GAREM2: variants seen among roughly 807,000 people sequenced by gnomAD.
GAREM2 encodes GRB2-associated and regulator of MAPK protein 2.
GAREM2 carries 30 observed loss-of-function variants against 55.6 expected under a neutral mutation model. The ratio of observed to expected loss-of-function variants is 0.54; its 90% CI spans 0.40 to 0.73. The LOEUF is 0.73. GAREM2 is among the 30% of genes least tolerant of loss of function. GAREM2 has a pLI of 0.00. For synonymous variants in GAREM2, 550 were observed against 569.1 expected, an observed-to-expected ratio of 0.97 and a Z score of 0.48; for missense variants, 1,075 against 1,257.7, an observed-to-expected ratio of 0.85 and a Z score of 2.20.
At chr2:26,198,943 A>G in the GAREM2 span, among the ~76,000 whole-genome samples, 2 of 150,856 alleles carry the variant, frequency 1.3e-5, no homozygotes, top group Non-Finnish European at 3.0e-5. Context: ...CGCCCAGGCT[A>G]GAGTGCAGTG....
chr2:26,190,899 T>C (rs185428283), downstream of GAREM2: 12 of 392,492 alleles, frequency 3.1e-5, no homozygotes, highest in South Asian at 2.8e-4. Context: ...TTTATTGTTA[T>C]GTGTTTGGCT....
Position 26,187,766 on chromosome 2 carries a change from C to A in GAREM2, c.2134C>A (p.Pro712Thr). ...DPFELGQGSS[P>T]EPELLRSQEP... ...CTTTGAGCTGGGGCAGGGCAGTTCT[C>A]CAGAGCCTGAGCTGCTGCGTTCTCA... The change falls in exon 6 of 6, where the codon CCA becomes ACA. Residue 712 changes from proline to threonine, a missense_variant. Transcript: ENST00000401533. 1 of 1,448,040 alleles carries A rather than the reference C, an allele frequency of 6.9e-7. No individual in the cohort carries two copies. Among genetic ancestry groups the A allele is most frequent in the Non-Finnish European group, 9.1e-7 (1 of 1,095,414 alleles). 89.7% of individuals were successfully genotyped at this position (1,448,040 alleles called of 1,614,324 possible). A position where few individuals can be genotyped will look rare whatever the true frequency, so the allele number is the denominator to read the frequency against.
In GAREM2 at chr2:26,176,376, A is replaced by C. The variant is rs1420985856; in HGVS notation, c.145A>C (p.Ile49Leu). 6.5e-7 allele frequency: 1 copy of C among 1,549,144 alleles called. No homozygotes were observed. The highest frequency in any genetic ancestry group is 1.2e-5 in the South Asian group (1 of 83,586). ...EYAEGVSERD[I>L]LLIHSCRQWT... ...CGCCGAGGGCGTCAGTGAGCGAGAC[A>C]TCCTGCTCATCCACTCCTGCCGGCA... The change falls in exon 2 of 6, where the codon ATC (isoleucine) becomes CTC (leucine). Residue 49 changes from isoleucine to leucine, a missense_variant. This residue lies in a region of GAREM2 where 230 missense variants were observed against 310.6 expected (regional missense o/e 0.74). Transcript: ENST00000401533.
In GAREM2 at chr2:26,187,872, G is replaced by T. The variant is rs941753197; in HGVS notation, c.2240G>T (p.Gly747Val). 8 of 1,438,388 alleles carry T rather than the reference G, an allele frequency of 5.6e-6. No homozygotes were observed. The African/African-American group carries it at 8.7e-5, about 16-fold the overall frequency. The allele number at this position is 1,438,388 out of a possible 1,614,324, so 89.1% of individuals were successfully genotyped here. A position where few individuals can be genotyped will look rare whatever the true frequency, so the allele number is the denominator to read the frequency against. ...LGPSKAFEPE[G>V]LVLHQVPTPL... Reference sequence around the variant, plus strand: ...CCCTCCAAGGCCTTTGAGCCTGAAGGTTTGGTGCTGCACCAGGTCCCCACC... The same window carrying T: ...CCCTCCAAGGCCTTTGAGCCTGAAGTTTTGGTGCTGCACCAGGTCCCCACC... Residue 747 changes from glycine to valine, a missense_variant, in exon 6 of 6, where the codon GGT becomes GTT. Physicochemically the swap from Gly to Val is moderately radical, Grantham distance 109. This residue lies in a region of GAREM2 where 142 missense variants were observed against 172.3 expected (regional missense o/e 0.82). Coordinates refer to ENST00000401533, the MANE Select transcript of GAREM2 (RefSeq NM_001168241.2).
At chr2:26,193,293 C>CTTTTT (rs370942158), downstream of GAREM2, among the ~76,000 whole-genome samples, 36 of 115,154 alleles carry the variant, frequency 3.1e-4, no homozygotes, top group South Asian at 1.8e-3. Context: ...CACATGACAT[C>CTTTTT]TTTTTTTTTT....
At chr2:26,191,353 A>G (rs1027792462), downstream of GAREM2, 1 of 1,614,190 alleles carries the variant, frequency 6.2e-7, no homozygotes, top group African/African-American at 1.3e-5. Flanking sequence ...GAGCCGGTCC[A>G]CTATCTTCTG....
In GAREM2 at chr2:26,185,051, C is replaced by T. The variant is rs1234722551; in HGVS notation, c.1203C>T (p.Pro401=). ...ARAPGPLAPA[P]AGEGDQEYVS... is the part of the protein sequence containing the mutation. ...CCCCCGGCCCGCTAGCGCCGGCTCC[C>T]GCCGGCGAGGGCGACCAGGAGTACG... Residue 401 remains proline (P), a synonymous_variant, in exon 4 of 6, where the codon CCC becomes CCT. Transcript: ENST00000401533. The T allele has an allele frequency of 2.7e-5, 33 of 1,226,898 alleles. No homozygotes were observed. Among genetic ancestry groups the T allele is most frequent in the South Asian group, 3.3e-5 (1 of 30,448 alleles). 76.0% of individuals were successfully genotyped at this position (1,226,898 alleles called of 1,614,324 possible).
the GAREM2 span, among the ~76,000 whole-genome samples, chr2:26,202,750 A>G: frequency 6.6e-6 from 1 of 152,226 alleles, no homozygotes; most frequent in African/African-American, 2.4e-5. Flanking sequence ...AAAGAAACAA[A>G]AACATCAAAT....
chr2:26,197,495 G>T, the GAREM2 span, among the ~76,000 whole-genome samples: 19 of 152,126 alleles, frequency 1.2e-4, no homozygotes, highest in African/African-American at 4.6e-4. Context: ...TCCTTGAAAA[G>T]GATATTTTTT....
rs757433229 is a variant in GAREM2 at position 26,173,280 on chromosome 2, C to T, written c.60C>T (p.Leu20=). 9.8e-6 allele frequency: 14 copies of T among 1,434,154 alleles called. No individual in the cohort carries two copies. In the East Asian group the frequency reaches 1.8e-4, roughly 19 times the overall value. The allele number at this position is 1,434,154 out of a possible 1,614,324, so 88.8% of individuals were successfully genotyped here. Residue 20 remains leucine (L), a synonymous_variant, in exon 1 of 6, where the codon CTC becomes CTT. Transcript: ENST00000401533. ...GCTGGAGCATGGGCGCCTTCCCGCT[C>T]GACCTCATCGTCAGCCGCTGCCGCC... ...GLRWSMGAFP[L]DLIVSRCRLP...
downstream of GAREM2, chr2:26,191,728 C>T: frequency 8.3e-7 from 1 of 1,208,984 alleles, no homozygotes; most frequent in Non-Finnish European, 1.2e-6. Flanking sequence ...GCATGGGGAG[C>T]TCTGTGGGCC....
downstream of GAREM2, chr2:26,191,662 G>C (rs1206830666): frequency 6.2e-7 from 1 of 1,611,678 alleles, no homozygotes; most frequent in Non-Finnish European, 8.5e-7. Flanking sequence ...GGTAGAAGAA[G>C]AGGAAAAGGG....
chr2:26,173,740 CTG>C (rs1668774117), intron 1 of GAREM2, among the ~76,000 whole-genome samples: 1 of 152,088 alleles, frequency 6.6e-6, no homozygotes, highest in Non-Finnish European at 1.5e-5. Context: ...GACCCGGACT[CTG>C]TCTTCCCCTT....
At chr2:26,178,497 G>T (rs1171252329) in intron 2 of GAREM2, among the ~76,000 whole-genome samples, 2 of 152,146 alleles carry the variant, frequency 1.3e-5, no homozygotes, top group Non-Finnish European at 2.9e-5. Flanking sequence ...GCCAGGTGGG[G>T]GGGATCCCTT....
In GAREM2 at chr2:26,187,242, G is replaced by A. The variant is rs1179732472; in HGVS notation, c.1610G>A (p.Arg537His). ...SSGLQDGAGS[R>H]SGSGSPSPDT... is the part of the protein sequence containing the mutation. Reference sequence around the variant, plus strand: ...GTCTCTGTCCACAGGGCGGGTTCCCGCAGTGGCAGTGGCTCCCCATCGCCG... The same window carrying A: ...GTCTCTGTCCACAGGGCGGGTTCCCACAGTGGCAGTGGCTCCCCATCGCCG... The change falls in exon 6 of 6, where the codon CGC becomes CAC. Residue 537 changes from arginine (R) to histidine (H), a missense_variant. By Grantham distance (29) the Arg-to-His change is conservative (BLOSUM62 0). This residue lies in a region of GAREM2 where 515 missense variants were observed against 501.5 expected (regional missense o/e 1.03). Transcript: ENST00000401533. 1.4e-6 allele frequency: 2 copies of A among 1,449,374 alleles called. No individual in the cohort carries two copies. Among genetic ancestry groups the A allele is most frequent in the Admixed American group, 2.8e-5 (1 of 36,016 alleles). 89.8% of individuals were successfully genotyped at this position (1,449,374 alleles called of 1,614,324 possible).
Position 26,179,877 on chromosome 2 carries a change from G to A in GAREM2, c.254-3090G>A, listed in dbSNP as rs964342048. Among the ~76,000 whole-genome samples the A allele has an allele frequency of 5.3e-5, 8 of 152,074 alleles. No homozygotes were observed. The highest frequency in any genetic ancestry group is 8.8e-5 in the Non-Finnish European group (6 of 67,982). On this transcript the variant is annotated intron_variant, in intron 2 of 5. Coordinates refer to ENST00000401533, the MANE Select transcript of GAREM2 (RefSeq NM_001168241.2). This position sits in a 1 kb window ranked among gnomAD's most constrained non-coding sequence, Gnocchi z 4.7. ...TTGGCTCCAAGTCGCCCCACAGGGG[G>A]CAGTGGGCATTGCTCCCTGCCTGGC...
chr2:26,202,749 A>C, the GAREM2 span, among the ~76,000 whole-genome samples: 1 of 152,228 alleles, frequency 6.6e-6, no homozygotes, highest in Admixed American at 6.5e-5. Context: ...AAAAGAAACA[A>C]AAACATCAAA....
At chr2:26,181,942 G>A in intron 2 of GAREM2, 1 of 928,756 alleles carries the variant, frequency 1.1e-6, no homozygotes, top group Non-Finnish European at 1.3e-6. Flanking sequence ...TCATGCCACT[G>A]TACTCCAGCC....
In GAREM2 at chr2:26,185,030, C is replaced by T; in HGVS notation, c.1182C>T (p.Pro394=). Residue 394 remains proline (P), a synonymous_variant, in exon 4 of 6, where the codon CCC becomes CCT. Coordinates refer to ENST00000401533, the MANE Select transcript of GAREM2 (RefSeq NM_001168241.2). ...APRAPGLARA[P]GPLAPAPAGE... The stretch of plus-strand genomic sequence containing the variant: ...GCGCCCCCGGGCTCGCCCGCGCCCC[C>T]GGCCCGCTAGCGCCGGCTCCCGCCG... 8.7e-7 allele frequency: 1 copy of T among 1,149,998 alleles called. No homozygotes were observed. The highest frequency in any genetic ancestry group is 3.9e-5 in the South Asian group (1 of 25,720). 71.2% of individuals were successfully genotyped at this position (1,149,998 alleles called of 1,614,324 possible).
Sources: gnomAD v4.1 joint callset for allele counts (sites outside exome capture counted in the v4.1 genomes callset) on GRCh38, gnomAD v4.1.1 for gene constraint, gnomAD v4.1.1 regional missense constraint, Gnocchi (gnomAD v3.1) non-coding constraint, MANE v1.5 for transcripts, NCBI Gene and HGNC (gene_info 2026-07-23, HGNC 2026-07-21) for gene names.